Variants in MYLK observed in about 807,000 individuals in gnomAD.
MYLK encodes myosin light chain kinase, smooth muscle.
A neutral mutation model predicts 203.4 loss-of-function variants in MYLK; 106 were observed. The ratio of observed to expected loss-of-function variants is 0.52; its 90% CI spans 0.45 to 0.61. MYLK has a LOEUF of 0.61. Ranked by LOEUF, MYLK falls within the 20% of genes least tolerant of loss-of-function variation. The probability of loss-of-function intolerance (pLI) is 0.00; values close to 1 mark genes in which losing one functional copy is unlikely to be tolerated. For synonymous variants in MYLK, 867 were observed against 959.5 expected, an observed-to-expected ratio of 0.90 and a Z score of 1.78; for missense variants, 2,072 against 2,442.3, an observed-to-expected ratio of 0.85 and a Z score of 3.20.
intron 2 of MYLK, among the ~76,000 whole-genome samples, chr3:123,871,787 G>A (rs2032803900): frequency 6.7e-6 from 1 of 149,964 alleles, no homozygotes; most frequent in Non-Finnish European, 1.5e-5. Context: ...ATAGAAGAAG[G>A]AACACTTTCC....
chr3:123,835,310 T>C (rs942747193), intron 2 of MYLK, among the ~76,000 whole-genome samples: 1 of 152,172 alleles, frequency 6.6e-6, no homozygotes, highest in Non-Finnish European at 1.5e-5. Flanking sequence ...TGAGGTTCAA[T>C]ATGGCAATCA....
chr3:123,636,408 A>T (rs2058645779), intron 29 of MYLK, among the ~76,000 whole-genome samples: 1 of 152,270 alleles, frequency 6.6e-6, no homozygotes. Context: ...TAGCTGCAGA[A>T]GATCCTGATG....
chr3:123,701,620 G>A (rs183609029), intron 16 of MYLK, 111 bp from the exon 17 acceptor site: 1 of 1,042,498 alleles, frequency 9.6e-7, no homozygotes, highest in Admixed American at 1.9e-5. Context: ...GAAGTCGCCG[G>A]CTTGACTGAG....
intron 24 of MYLK, among the ~76,000 whole-genome samples, chr3:123,650,064 G>A (rs1458104197): frequency 6.6e-6 from 1 of 152,176 alleles, no homozygotes; most frequent in Non-Finnish European, 1.5e-5. Flanking sequence ...CCCCGGAACA[G>A]GGGGGCATCC....
intron 2 of MYLK, among the ~76,000 whole-genome samples, chr3:123,841,045 A>G (rs895811202): frequency 6.6e-6 from 1 of 152,142 alleles, no homozygotes; most frequent in African/African-American, 2.4e-5. Context: ...TATATTCATG[A>G]TATGCTGTTC....
At chr3:123,686,433 C>T (rs2060460448) in intron 19 of MYLK, among the ~76,000 whole-genome samples, 1 of 151,054 alleles carries the variant, frequency 6.6e-6, no homozygotes, top group Admixed American at 6.6e-5. Flanking sequence ...ACGCAGGGGG[C>T]ATGAGGTCTT....
At chr3:123,769,868 T>C (rs1244705841) in intron 4 of MYLK, among the ~76,000 whole-genome samples, 1 of 152,232 alleles carries the variant, frequency 6.6e-6, no homozygotes, top group East Asian at 1.9e-4. Context: ...CTTCCTCTTT[T>C]GTTTTTGTTG....
chr3:123,872,219 A>G (rs2032840861), intron 2 of MYLK, among the ~76,000 whole-genome samples: 1 of 152,192 alleles, frequency 6.6e-6, no homozygotes, highest in African/African-American at 2.4e-5. Flanking sequence ...AGAGTTGAGT[A>G]GAGAGTTGAA....
At chr3:123,755,494 T>A (rs534297392) in intron 4 of MYLK, among the ~76,000 whole-genome samples, 32 of 152,350 alleles carry the variant, frequency 2.1e-4, no homozygotes, top group African/African-American at 7.0e-4. Flanking sequence ...ACTATGATAC[T>A]TTTATAGCAC....
chr3:123,853,812 C>T (rs2031090356), intron 2 of MYLK, among the ~76,000 whole-genome samples: 1 of 152,100 alleles, frequency 6.6e-6, no homozygotes, highest in Admixed American at 6.6e-5. Flanking sequence ...AGAGCAGACT[C>T]TGATAGATTC....
At position 123,700,939 on chromosome 3, in the gene MYLK, A is replaced by G. The variant is rs756311286; in HGVS notation, c.2529T>C (p.Ser843=). Residue 843 remains serine, a synonymous_variant, in exon 18 of 34, where the codon AGT becomes AGC. Transcript: ENST00000360304. The part of the protein sequence containing the change: ...GGGVGADGGG[S]DRYGSLRPGW... ...CAGGCCTCAGGGACCCATAGCGGTC[A>G]CTACCACCACCATCAGCACCAACTC... 1.2e-6 allele frequency: 2 copies of G among 1,611,012 alleles called. No individual in the cohort carries two copies. The highest frequency in any genetic ancestry group is 2.2e-5 in the South Asian group (2 of 91,076).
chr3:123,800,104 G>C (rs1423000187), intron 3 of MYLK: 1 of 152,202 alleles, frequency 6.6e-6, no homozygotes, highest in East Asian at 1.9e-4. Flanking sequence ...CCCAGCTGGG[G>C]TGACCTTTGA....
intron 13 of MYLK, 134 bp downstream of exon 13, chr3:123,721,994 G>A (rs1417075310): frequency 9.6e-6 from 11 of 1,149,358 alleles, no homozygotes; most frequent in Middle Eastern, 1.9e-4. Flanking sequence ...TGCCAGTGGT[G>A]TGGAGTAGTG....
chr3:123,722,672 C>G (rs1485528836), intron 12 of MYLK, among the ~76,000 whole-genome samples: 1 of 152,198 alleles, frequency 6.6e-6, no homozygotes, highest in Admixed American at 6.5e-5. Context: ...GACTTTTACA[C>G]GGTCATCTGG....
intron 29 of MYLK, among the ~76,000 whole-genome samples, chr3:123,636,967 A>G (rs1026859240): frequency 1.3e-5 from 2 of 152,214 alleles, no homozygotes; most frequent in Non-Finnish European, 2.9e-5. Flanking sequence ...CACTTCTGCT[A>G]AAGCTTTTAT....
At chr3:123,827,431 G>C (rs1013703805) in intron 3 of MYLK, among the ~76,000 whole-genome samples, 1 of 151,616 alleles carries the variant, frequency 6.6e-6, no homozygotes, top group Admixed American at 6.6e-5. Flanking sequence ...ACATATAAGG[G>C]AATCTCTATT....
intron 2 of MYLK, among the ~76,000 whole-genome samples, chr3:123,847,476 T>C (rs1386475430): frequency 1.3e-5 from 2 of 152,156 alleles, no homozygotes; most frequent in Admixed American, 6.5e-5. Flanking sequence ...ATTCTTGTCT[T>C]TTTTATGACT....
chr3:123,678,926 G>A lies in MYLK; in HGVS notation c.3652+3298C>T, dbSNP rs2168440. On this transcript the variant is annotated intron_variant, in intron 20 of 33. Coordinates refer to ENST00000360304, the MANE Select transcript of MYLK (RefSeq NM_053025.4). ...GTATATTTCTATATTGTTTAAAATG[G>A]TTAAATAAGAATGTGTGCATATATA... Among the ~76,000 whole-genome samples, 4,088 of 152,228 alleles carry A rather than the reference G, an allele frequency of 0.027. 369 individuals carry two copies. The East Asian group carries it at 0.34, about 13-fold the overall frequency.
intron 19 of MYLK, among the ~76,000 whole-genome samples, chr3:123,688,589 C>T (rs114723918): frequency 0.028 from 4,238 of 152,256 alleles, 64 homozygotes; most frequent in Middle Eastern, 0.079. Flanking sequence ...GCCCATAACA[C>T]TTAGAATAAA....
Sources: allele counts gnomAD v4.1 joint callset (sites outside exome capture counted in the v4.1 genomes callset), GRCh38; gene constraint gnomAD v4.1.1; transcripts MANE v1.5; gene names NCBI Gene and HGNC (gene_info 2026-07-23, HGNC 2026-07-21).